AGMO: variants seen among roughly 807,000 people sequenced by gnomAD.
AGMO encodes the protein alkylglycerol monooxygenase.
A neutral mutation model predicts 60.2 loss-of-function variants in AGMO; 75 were observed. That is an observed-to-expected ratio of 1.25 (90% CI 1.03 to 1.51). The LOEUF (loss-of-function observed/expected upper bound fraction) is 1.51. AGMO is among the 40% of genes most tolerant of loss of function. The pLI is 0.00. For missense variants in AGMO, 763 were observed against 525.5 expected, an observed-to-expected ratio of 1.45 and a Z score of -4.42; for synonymous variants, 261 against 177.1, an observed-to-expected ratio of 1.47 and a Z score of -3.76.
chr7:15,319,352 G>C lies in AGMO; in HGVS notation c.1263+46162C>G, dbSNP rs1781035739. ...TTTGTTCTCATGGAGTTTATCAACT[G>C]AAAGAGGCTAGAATAAAATCAGTCT... On this transcript the variant is annotated intron_variant, in intron 12 of 12. Transcript: ENST00000342526. Among the ~76,000 whole-genome samples, 3 of 152,138 alleles carry C rather than the reference G, an allele frequency of 2.0e-5. No individual in the cohort carries two copies. In the South Asian group the frequency reaches 6.2e-4, roughly 32 times the overall value.
chr7:15,534,349 A>C (rs1784435175), intron 3 of AGMO, among the ~76,000 whole-genome samples: 1 of 152,048 alleles, frequency 6.6e-6, no homozygotes, highest in Non-Finnish European at 1.5e-5. Flanking sequence ...CAAATTAAAA[A>C]CTTCAAGTGT....
chr7:15,197,324 T>C (rs1294947998), downstream of AGMO, among the ~76,000 whole-genome samples: 1 of 152,168 alleles, frequency 6.6e-6, no homozygotes, highest in Non-Finnish European at 1.5e-5. Flanking sequence ...AGTCAATGAT[T>C]CTATTGCAGA....
chr7:15,331,753 C>G (rs1186157831), intron 12 of AGMO, among the ~76,000 whole-genome samples: 3 of 151,946 alleles, frequency 2.0e-5, no homozygotes, highest in African/African-American at 7.2e-5. Flanking sequence ...GTGGAGAAAC[C>G]CCATCTCTAC....
intron 12 of AGMO, among the ~76,000 whole-genome samples, chr7:15,288,681 T>A (rs1463558856): frequency 2.0e-5 from 3 of 151,816 alleles, no homozygotes; most frequent in African/African-American, 7.3e-5. Flanking sequence ...TTTTTCAGTT[T>A]AATTTTAATC....
chr7:15,283,260 A>C (rs968323775), intron 12 of AGMO, among the ~76,000 whole-genome samples: 1 of 152,114 alleles, frequency 6.6e-6, no homozygotes, highest in Non-Finnish European at 1.5e-5. Flanking sequence ...TAAATGCCCT[A>C]ATACTCCACT....
intron 5 of AGMO, among the ~76,000 whole-genome samples, chr7:15,409,651 C>G (rs1010896372): frequency 6.6e-6 from 1 of 151,852 alleles, no homozygotes; most frequent in African/African-American, 2.4e-5. Flanking sequence ...CTTTAATTAT[C>G]CTTCAGAGAT....
intron 3 of AGMO, among the ~76,000 whole-genome samples, chr7:15,477,862 A>G (rs1461562083): frequency 6.6e-6 from 1 of 152,168 alleles, no homozygotes; most frequent in Non-Finnish European, 1.5e-5. Flanking sequence ...TCAATAAGTA[A>G]TCACATAACT....
chr7:15,220,729 T>C (rs925572029), intron 12 of AGMO, among the ~76,000 whole-genome samples: 4 of 151,976 alleles, frequency 2.6e-5, no homozygotes, highest in Non-Finnish European at 5.9e-5. Context: ...TTAGAACCGA[T>C]TGTAAAACCA....
At chr7:15,382,895 A>C (rs1448415128) in intron 10 of AGMO, among the ~76,000 whole-genome samples, 1 of 152,118 alleles carries the variant, frequency 6.6e-6, no homozygotes, top group Non-Finnish European at 1.5e-5. Context: ...ACAAGTTCAA[A>C]TCACGTATTT....
At chr7:15,284,514 A>T (rs1035467066) in intron 12 of AGMO, among the ~76,000 whole-genome samples, 1 of 152,052 alleles carries the variant, frequency 6.6e-6, no homozygotes, top group African/African-American at 2.4e-5. Flanking sequence ...CTCCTAAATT[A>T]AATCAAGAAG....
In AGMO at chr7:15,262,349, G is replaced by T. The variant is rs76795566; in HGVS notation, c.1264-60990C>A. Among the ~76,000 whole-genome samples the T allele has an allele frequency of 2.9e-3, 436 of 152,012 alleles. 3 individuals carry two copies. The highest frequency in any genetic ancestry group is 0.01 in the African/African-American group (415 of 41,500). ...TATACACCAACAGTGACAAAGCTGAGATATTAATAACTCAACCCCATTTAC... is the reference window on the plus strand; with the variant it reads ...TATACACCAACAGTGACAAAGCTGATATATTAATAACTCAACCCCATTTAC... On this transcript the variant is annotated intron_variant, in intron 12 of 12. Transcript: ENST00000342526.
intron 12 of AGMO, among the ~76,000 whole-genome samples, chr7:15,352,859 G>C (rs1017197072): frequency 6.6e-6 from 1 of 151,990 alleles, no homozygotes; most frequent in Non-Finnish European, 1.5e-5. Flanking sequence ...CTAAAAATTA[G>C]AACGTGTATG....
intron 12 of AGMO, among the ~76,000 whole-genome samples, chr7:15,350,159 C>G (rs561107315): frequency 9.2e-5 from 14 of 152,180 alleles, no homozygotes; most frequent in African/African-American, 3.1e-4. Context: ...TCCATTTCAT[C>G]ATAGTAATTT....
At chr7:15,459,386 T>C (rs1029425097) in intron 3 of AGMO, among the ~76,000 whole-genome samples, 15 of 152,162 alleles carry the variant, frequency 9.9e-5, no homozygotes, top group Admixed American at 5.2e-4. Flanking sequence ...AGTTCTCAGA[T>C]GGCAGATGGC....
intron 4 of AGMO, among the ~76,000 whole-genome samples, chr7:15,427,966 G>A (rs534866260): frequency 1.4e-4 from 7 of 49,304 alleles, no homozygotes; most frequent in Non-Finnish European, 1.9e-4. Flanking sequence ...AATTTTCATA[G>A]TAATATAGAA....
At chr7:15,407,901 CT>C (rs1018814767) in intron 5 of AGMO, among the ~76,000 whole-genome samples, 20 of 151,866 alleles carry the variant, frequency 1.3e-4, no homozygotes, top group African/African-American at 4.6e-4. Flanking sequence ...TGTGCAGAAA[CT>C]AATGTGTTAT....
At chr7:15,267,994 A>C (rs1783484276) in intron 12 of AGMO, among the ~76,000 whole-genome samples, 1 of 151,970 alleles carries the variant, frequency 6.6e-6, no homozygotes, top group African/African-American at 2.4e-5. Context: ...AACTGTTACC[A>C]AACATTTAGT....
chr7:15,352,187 A>G (rs570466923), intron 12 of AGMO, among the ~76,000 whole-genome samples: 1 of 152,236 alleles, frequency 6.6e-6, no homozygotes, highest in Non-Finnish European at 1.5e-5. Context: ...CCCGCCATAG[A>G]TCTTCAGTTT....
intron 12 of AGMO, among the ~76,000 whole-genome samples, chr7:15,308,413 A>G (rs1176841085): frequency 6.6e-6 from 1 of 151,972 alleles, no homozygotes; most frequent in Non-Finnish European, 1.5e-5. Flanking sequence ...TGACCTGCCA[A>G]TGTCAGATTT....
Sources: allele counts gnomAD v4.1 joint callset (sites outside exome capture counted in the v4.1 genomes callset), GRCh38; gene constraint gnomAD v4.1.1; transcripts MANE v1.5; gene names NCBI Gene and HGNC (gene_info 2026-07-23, HGNC 2026-07-21).